Variants in CIMAP1D observed in about 807,000 individuals in gnomAD.
The protein encoded by CIMAP1D is protein CIMAP1D.
the CIMAP1D span, among the ~76,000 whole-genome samples, chr19:484,645 G>C: frequency 6.6e-6 from 1 of 152,246 alleles, no homozygotes; most frequent in African/African-American, 2.4e-5. Context: ...CATCTACGGG[G>C]TGTCTGGGGA....
chr19:470,496 C>A, the CIMAP1D span, among the ~76,000 whole-genome samples: 2 of 152,192 alleles, frequency 1.3e-5, no homozygotes, highest in African/African-American at 4.8e-5. Context: ...CAGGCGTGAG[C>A]CACCGCGCCC....
At chr19:478,771 G>A in the CIMAP1D span, among the ~76,000 whole-genome samples, 3 of 152,282 alleles carry the variant, frequency 2.0e-5, no homozygotes, top group Non-Finnish European at 4.4e-5. Flanking sequence ...CCCAGCTGCC[G>A]GCTGCAGGCG....
the CIMAP1D span, chr19:463,543 A>G: frequency 2.2e-6 from 1 of 461,364 alleles, no homozygotes; most frequent in Non-Finnish European, 3.8e-6. Context: ...CTCCATCTCC[A>G]GCCAGCTACT....
the CIMAP1D span, among the ~76,000 whole-genome samples, chr19:484,076 C>T: frequency 1.3e-5 from 2 of 152,172 alleles, no homozygotes; most frequent in African/African-American, 4.8e-5. Context: ...GGAACAACCG[C>T]AAATAATGCT....
At chr19:488,687 G>A in the CIMAP1D span, among the ~76,000 whole-genome samples, 7 of 152,238 alleles carry the variant, frequency 4.6e-5, no homozygotes, top group African/African-American at 1.7e-4. Context: ...CCGCGTCCCG[G>A]AACCTGGATC....
the CIMAP1D span, among the ~76,000 whole-genome samples, chr19:470,723 G>A: frequency 2.0e-5 from 3 of 152,260 alleles, no homozygotes; most frequent in East Asian, 5.8e-4. Context: ...TTCCGACCGC[G>A]CTCCCAGCCC....
the CIMAP1D span, among the ~76,000 whole-genome samples, chr19:480,516 G>GAAGGATGATGGA: frequency 1.6e-4 from 12 of 74,694 alleles, 1 homozygote; most frequent in African/African-American, 8.9e-4. Flanking sequence ...AGGATGATGG[G>GAAGGATGATGGA]GAAGGATGAT....
At chr19:465,119 ATGGGTTGATGAG>A in the CIMAP1D span, among the ~76,000 whole-genome samples, 6 of 107,996 alleles carry the variant, frequency 5.6e-5, no homozygotes, top group African/African-American at 1.0e-4. Context: ...GGATGGATGG[ATGGGTTGATGAG>A]TGGATGGATG....
At chr19:482,715 G>GGC in the CIMAP1D span, among the ~76,000 whole-genome samples, 2 of 152,220 alleles carry the variant, frequency 1.3e-5, no homozygotes, top group African/African-American at 4.8e-5. Flanking sequence ...GGACAGAGGC[G>GGC]GAGGTCACAA....
the CIMAP1D span, among the ~76,000 whole-genome samples, chr19:487,660 A>AC: frequency 6.6e-6 from 1 of 152,090 alleles, no homozygotes; most frequent in South Asian, 2.1e-4. Flanking sequence ...ACAGAGTGAG[A>AC]CCCTGTGTCA....
the CIMAP1D span, among the ~76,000 whole-genome samples, chr19:491,245 C>G: frequency 6.6e-6 from 1 of 152,190 alleles, no homozygotes; most frequent in Non-Finnish European, 1.5e-5. Flanking sequence ...CCACTGCACT[C>G]CAGCCTGGGC....
the CIMAP1D span, among the ~76,000 whole-genome samples, chr19:480,665 TGGAGAAGGA>T: frequency 4.4e-5 from 6 of 135,114 alleles, no homozygotes; most frequent in South Asian, 2.4e-4. Flanking sequence ...AGAAGGATGA[TGGAGAAGGA>T]TGATGGAGAA....
At chr19:481,954 T>G in the CIMAP1D span, among the ~76,000 whole-genome samples, 1 of 151,980 alleles carries the variant, frequency 6.6e-6, no homozygotes, top group East Asian at 1.9e-4. Flanking sequence ...TTCTTTTTTG[T>G]GTGTGGAGAT....
chr19:490,639 C>T, the CIMAP1D span, among the ~76,000 whole-genome samples: 2 of 152,322 alleles, frequency 1.3e-5, no homozygotes, highest in African/African-American at 4.8e-5. Context: ...CCAATAGCTG[C>T]GTCCGTTTCT....
At chr19:482,422 G>A in the CIMAP1D span, among the ~76,000 whole-genome samples, 1 of 152,192 alleles carries the variant, frequency 6.6e-6, no homozygotes, top group Non-Finnish European at 1.5e-5. Flanking sequence ...ACTTGGCTAT[G>A]TCTGGAGACA....
At chr19:484,009 G>A in the CIMAP1D span, among the ~76,000 whole-genome samples, 2 of 152,148 alleles carry the variant, frequency 1.3e-5, no homozygotes, top group South Asian at 4.1e-4. Flanking sequence ...GCTGGGCAAC[G>A]TTCCATCCCA....
the CIMAP1D span, among the ~76,000 whole-genome samples, chr19:483,807 C>G: frequency 6.6e-6 from 1 of 152,322 alleles, no homozygotes; most frequent in African/African-American, 2.4e-5. Flanking sequence ...ACTGTGTCCC[C>G]AGCTCCCCGG....
At chr19:470,400 A>G in the CIMAP1D span, among the ~76,000 whole-genome samples, 1 of 149,978 alleles carries the variant, frequency 6.7e-6, no homozygotes, top group African/African-American at 2.5e-5. Context: ...TTTAGTAGAG[A>G]CGGAGTTTCA....
At chr19:464,135 G>A in the CIMAP1D span, 2 of 475,126 alleles carry the variant, frequency 4.2e-6, no homozygotes, top group Non-Finnish European at 7.6e-6. Flanking sequence ...CCTGCGGGGG[G>A]CGGGCGGGGG....
Sources: gnomAD v4.1 joint callset for allele counts (sites outside exome capture counted in the v4.1 genomes callset) on GRCh38, gnomAD v4.1.1 for gene constraint, MANE v1.5 for transcripts, NCBI Gene and HGNC (gene_info 2026-07-23, HGNC 2026-07-21) for gene names.